HEATR1: variants seen among roughly 807,000 people sequenced by gnomAD.
HEATR1 encodes the protein HEAT repeat-containing protein 1.
HEATR1 carries 77 observed loss-of-function variants against 248.2 expected under a neutral mutation model. That is an observed-to-expected ratio of 0.31 (90% CI 0.26 to 0.37). The LOEUF is 0.37. Among genes scored for constraint, HEATR1 ranks in the 10% least tolerant of loss-of-function variants. HEATR1 has a pLI of 1.00. For missense variants in HEATR1, 2,420 were observed against 2,504.9 expected (o/e 0.97, Z 0.72); for synonymous variants, 897 against 923.1 (o/e 0.97, Z 0.51).
rs534009257 is a variant in HEATR1 at position 236,593,584 on chromosome 1, GAAAAAAAAAAAAA to G, written c.1193+415_1193+427del. Reference sequence around the variant, plus strand: ...CACTGTATCGAGTTGCCCATTAAGAGAAAAAAAAAAAAAAAAAAAAAAAGACTGAATTATCTTT... The same window carrying G: ...CACTGTATCGAGTTGCCCATTAAGAGAAAAAAAAAAGACTGAATTATCTTT... On this transcript the variant is annotated intron_variant, in intron 9 of 44. Coordinates refer to ENST00000366582, the MANE Select transcript of HEATR1 (RefSeq NM_018072.6). Among the ~76,000 whole-genome samples, 4 of 90,822 alleles carry G rather than the reference GAAAAAAAAAAAAA, an allele frequency of 4.4e-5. No individual in the cohort carries two copies. The South Asian group carries it at 1.2e-3, about 28-fold the overall frequency. The allele number at this position is 90,822 out of a possible 152,430, so 59.6% of individuals were successfully genotyped here.
chr1:236,557,154 C>G (rs1489651268), intron 37 of HEATR1, 41 bp downstream of exon 37: 1 of 1,590,804 alleles, frequency 6.3e-7, no homozygotes, highest in Admixed American at 1.8e-5. Context: ...TTTACCTTCC[C>G]CAGCCACCCT....
chr1:236,574,947 T>C (rs775891815), intron 22 of HEATR1, 44 bp from the exon 23 acceptor site: 7 of 1,579,770 alleles, frequency 4.4e-6, no homozygotes, highest in Non-Finnish European at 6.0e-6. Context: ...TGTATACTGA[T>C]ATGTTTTTGC....
intron 9 of HEATR1, among the ~76,000 whole-genome samples, chr1:236,592,922 T>G (rs1308077734): frequency 6.6e-6 from 1 of 152,130 alleles, no homozygotes; most frequent in Non-Finnish European, 1.5e-5. Flanking sequence ...TTTTAAATGG[T>G]GCTGGCTCAC....
At position 236,570,180 on chromosome 1, in the gene HEATR1, T is replaced by A. The variant is rs529859253; in HGVS notation, c.3949-1056A>T. ...GGCGGGTGCCTGTAGTCCTAGCTAC[T>A]CGGGAGGCGGAGGCAGGAGAATGGC... is the stretch of plus-strand genomic sequence containing the variant. On this transcript the variant is annotated intron_variant, in intron 28 of 44. Transcript: ENST00000366582. Among the ~76,000 whole-genome samples, 9 of 152,126 alleles carry A rather than the reference T, an allele frequency of 5.9e-5. No homozygotes were observed. In the East Asian group the frequency reaches 1.7e-3, roughly 29 times the overall value.
intron 26 of HEATR1, among the ~76,000 whole-genome samples, chr1:236,571,903 C>G (rs1239405532): frequency 6.6e-6 from 1 of 152,144 alleles, no homozygotes; most frequent in East Asian, 1.9e-4. Context: ...ATTCCACGTC[C>G]TCTCTATTGC....
Position 236,583,092 on chromosome 1 carries a change from G to A in HEATR1, c.2346C>T (p.Ala782=), listed in dbSNP as rs371355576. 58 of 1,613,912 alleles carry A rather than the reference G, an allele frequency of 3.6e-5. No individual in the cohort carries two copies. The highest frequency in any genetic ancestry group is 3.9e-5 in the Non-Finnish European group (46 of 1,179,978). Residue 782 remains alanine (A), a synonymous_variant, in exon 18 of 45, where the codon GCC becomes GCT. Coordinates refer to ENST00000366582, the MANE Select transcript of HEATR1 (RefSeq NM_018072.6). Reference sequence around the variant, plus strand: ...ATACAAGAAAAACCGAGTCCTCCACGGCCACCCTCTGAGTGCTGTTGAGCT... The same window carrying A: ...ATACAAGAAAAACCGAGTCCTCCACAGCCACCCTCTGAGTGCTGTTGAGCT... The part of the protein sequence containing the change: ...VEELNSTQRV[A]VEDSVFLVFS...
chr1:236,573,142 A>C (rs1190746015), intron 24 of HEATR1, among the ~76,000 whole-genome samples: 1 of 152,204 alleles, frequency 6.6e-6, no homozygotes, highest in African/African-American at 2.4e-5. Flanking sequence ...TTGTCTTGGG[A>C]GTCTCAAGTT....
chr1:236,557,892 A>T (rs1663019476), intron 36 of HEATR1, among the ~76,000 whole-genome samples: 1 of 152,248 alleles, frequency 6.6e-6, no homozygotes, highest in Non-Finnish European at 1.5e-5. Flanking sequence ...AGTGCATCTG[A>T]AGATAAACGG....
chr1:236,573,283 A>G (rs966960816), intron 24 of HEATR1, among the ~76,000 whole-genome samples: 1 of 152,194 alleles, frequency 6.6e-6, no homozygotes, highest in Admixed American at 6.5e-5. Flanking sequence ...ATTGTTTCCA[A>G]GTGCCGGATC....
In HEATR1 at chr1:236,549,426, T is replaced by C. The variant is rs554391315; in HGVS notation, c.*1476A>G. ...AGTCAGTGAGGATCATTTTATCACA[T>C]TAGACTGGGGCAGAACTCTGCCAGG... On this transcript the variant is annotated 3_prime_UTR_variant, in exon 45 of 45. Transcript: ENST00000366582. 1 of 157,376 alleles carries C rather than the reference T, an allele frequency of 6.4e-6. No homozygotes were observed. The highest frequency in any genetic ancestry group is 2.1e-4 in the South Asian group (1 of 4,866). 9.7% of individuals were successfully genotyped at this position (157,376 alleles called of 1,614,324 possible).
rs577396019 is a variant in HEATR1, at chr1:236,557,217, T to C, written c.5333A>G (p.Tyr1778Cys). The change falls in exon 37 of 45, where the codon TAT becomes TGT. Residue 1778 changes from tyrosine to cysteine, a missense_variant. By Grantham distance (194) the Tyr-to-Cys change is radical (BLOSUM62 -2). Coordinates refer to ENST00000366582, the MANE Select transcript of HEATR1 (RefSeq NM_018072.6). ...VETLPHFISP[Y>C]LEGILSQVIH... Reference sequence around the variant, plus strand: ...CACCTGGGAGAGAATGCCTTCCAGATAGGGGCTGATGAAGTGCGGGAGAGT... The same window carrying C: ...CACCTGGGAGAGAATGCCTTCCAGACAGGGGCTGATGAAGTGCGGGAGAGT... 15 of 1,614,046 alleles carry C rather than the reference T, an allele frequency of 9.3e-6. No homozygotes were observed. The highest frequency in any genetic ancestry group is 1.7e-4 in the Middle Eastern group (1 of 6,056).
At position 236,582,775 on chromosome 1, in the gene HEATR1, A is replaced by G. The variant is rs567931212; in HGVS notation, c.2523T>C (p.Asp841=). 1.2e-6 allele frequency: 2 copies of G among 1,614,220 alleles called. No homozygotes were observed. The highest frequency in any genetic ancestry group is 2.2e-5 in the South Asian group (2 of 91,078). ...TCATCAGAACTCTGAAATGAACAGC[A>G]TCGGCACCATTGAGCATCATCTCAA... The part of the protein sequence containing the change: ...GLFEMMLNGA[D]AVHFRVLMKL... The change falls in exon 19 of 45, where the codon GAT becomes GAC. Residue 841 remains aspartate (D), a synonymous_variant. Transcript: ENST00000366582.
chr1:236,582,957 C>A, intron 18 of HEATR1, 56 bp downstream of exon 18: 1 of 1,604,260 alleles, frequency 6.2e-7, no homozygotes, highest in South Asian at 1.1e-5. Flanking sequence ...ATTGTGGAGT[C>A]AATCATTCAG....
intron 12 of HEATR1, among the ~76,000 whole-genome samples, chr1:236,590,519 G>A (rs1422066792): frequency 6.6e-6 from 1 of 152,084 alleles, no homozygotes; most frequent in Non-Finnish European, 1.5e-5. Flanking sequence ...GAGCTGCTGT[G>A]ACCGGCCCAA....
At chr1:236,551,802 G>T in intron 44 of HEATR1, 197 bp downstream of exon 44, 1 of 535,460 alleles carries the variant, frequency 1.9e-6, no homozygotes, top group Non-Finnish European at 3.3e-6. Flanking sequence ...TGGTCACTTC[G>T]CAACTTGCTC....
At chr1:236,574,469 A>AC in intron 23 of HEATR1, 136 bp from the exon 24 acceptor site, 1 of 1,234,046 alleles carries the variant, frequency 8.1e-7, no homozygotes, top group African/African-American at 1.5e-5. Context: ...ATTCTTTTTA[A>AC]TGACCCATGT....
chr1:236,573,290 G>A (rs544871864), intron 24 of HEATR1, among the ~76,000 whole-genome samples: 1 of 152,188 alleles, frequency 6.6e-6, no homozygotes, highest in East Asian at 1.9e-4. Context: ...CCAAGTGCCG[G>A]ATCAGATATG....
intron 28 of HEATR1, among the ~76,000 whole-genome samples, chr1:236,569,653 G>A (rs558723414): frequency 1.5e-4 from 23 of 152,308 alleles, no homozygotes; most frequent in Non-Finnish European, 2.8e-4. Flanking sequence ...GCAAGGATGT[G>A]AAGAAATTGG....
At chr1:236,594,168 C>A in intron 8 of HEATR1, 54 bp from the exon 9 acceptor site, 1 of 1,156,614 alleles carries the variant, frequency 8.6e-7, no homozygotes, top group Non-Finnish European at 1.3e-6. Context: ...TGCAAGCTAA[C>A]ATTATTAAAT....
Sources: gnomAD v4.1 joint callset for allele counts (sites outside exome capture counted in the v4.1 genomes callset) on GRCh38, gnomAD v4.1.1 for gene constraint, MANE v1.5 for transcripts, NCBI Gene and HGNC (gene_info 2026-07-23, HGNC 2026-07-21) for gene names.